Variants in LRRTM3 observed in about 807,000 individuals in gnomAD.
LRRTM3 encodes the protein leucine-rich repeat transmembrane neuronal protein 3.
In LRRTM3, 24 loss-of-function variants were observed where a neutral mutation model predicts 44.7. The observed-to-expected ratio is 0.54, with a 90% CI of 0.39 to 0.76. The LOEUF is 0.76. Among genes scored for constraint, LRRTM3 ranks in the 30% least tolerant of loss-of-function variants. The pLI is 0.00. For missense variants in LRRTM3, 587 were observed against 702.2 expected (o/e 0.84, Z 1.85); for synonymous variants, 277 against 278.7 (o/e 0.99, Z 0.06).
intron 2 of LRRTM3, among the ~76,000 whole-genome samples, chr10:66,929,725 G>A (rs1176966298): frequency 1.3e-5 from 2 of 152,188 alleles, no homozygotes; most frequent in Non-Finnish European, 2.9e-5. Flanking sequence ...GTACAGTTCT[G>A]TACAGACCCT....
chr10:66,928,539 G>A (rs916945376), intron 2 of LRRTM3, 87 bp downstream of exon 2: 8 of 1,256,692 alleles, frequency 6.4e-6, no homozygotes, highest in African/African-American at 4.5e-5. Context: ...AAGGGAACGC[G>A]ATGCCCCCCC....
chr10:66,983,764 G>A (rs960980529), intron 2 of LRRTM3, among the ~76,000 whole-genome samples: 3 of 152,130 alleles, frequency 2.0e-5, no homozygotes, highest in Non-Finnish European at 4.4e-5. Flanking sequence ...AATGCAAAGT[G>A]GGGGATAAAT....
chr10:67,095,018 T>C lies in LRRTM3; in HGVS notation c.1537-2569T>C, dbSNP rs367780818. On this transcript the variant is annotated intron_variant, in intron 2 of 2. Transcript: ENST00000361320. ...GTAATTGGCTTTAAGTTTATACATA[T>C]ATGTGTATATACATATATGTTTATA... Among the ~76,000 whole-genome samples the C allele has an allele frequency of 2.0e-5, 3 of 149,484 alleles. No individual in the cohort carries two copies. The East Asian group carries it at 5.9e-4, about 29-fold the overall frequency.
In LRRTM3 at chr10:67,101,100, CAAGTCACATATTTCTT is replaced by C. The variant is rs1162264586; in HGVS notation, c.*3307_*3322del. ...TTAAAACTCTGTTCAAAAAGTTTAACAAGTCACATATTTCTTAACATACAAGTTCGTTTGTGAATGT... is the reference window on the plus strand; with the variant it reads ...TTAAAACTCTGTTCAAAAAGTTTAACAACATACAAGTTCGTTTGTGAATGT... On this transcript the variant is annotated 3_prime_UTR_variant, in exon 3 of 3. Coordinates refer to ENST00000361320, the MANE Select transcript of LRRTM3 (RefSeq NM_178011.5). Among the ~76,000 whole-genome samples the C allele has an allele frequency of 1.3e-5, 2 of 151,714 alleles. No individual in the cohort carries two copies. The highest frequency in any genetic ancestry group is 2.1e-4 in the South Asian group (1 of 4,830).
intron 2 of LRRTM3, among the ~76,000 whole-genome samples, chr10:66,956,014 G>C (rs184409969): frequency 6.6e-6 from 1 of 152,090 alleles, no homozygotes; most frequent in East Asian, 1.9e-4. Flanking sequence ...GAGCCTTTAA[G>C]GGAATTCTGC....
chr10:67,022,103 G>C (rs1853056659), intron 2 of LRRTM3, among the ~76,000 whole-genome samples: 1 of 152,168 alleles, frequency 6.6e-6, no homozygotes, highest in African/African-American at 2.4e-5. Context: ...CCCTGAAGTA[G>C]CTTGTATTTG....
chr10:66,975,663 T>G (rs914004637), intron 2 of LRRTM3, among the ~76,000 whole-genome samples: 1 of 152,164 alleles, frequency 6.6e-6, no homozygotes, highest in Non-Finnish European at 1.5e-5. Flanking sequence ...GTGGTGGCAT[T>G]GAGCTGGTTC....
At chr10:66,973,027 G>A (rs1386910696) in intron 2 of LRRTM3, among the ~76,000 whole-genome samples, 2 of 152,100 alleles carry the variant, frequency 1.3e-5, no homozygotes, top group East Asian at 3.9e-4. Flanking sequence ...TTTACATCAT[G>A]TTTACAAAAT....
chr10:66,940,916 C>A (rs1006709432), intron 2 of LRRTM3, among the ~76,000 whole-genome samples: 4 of 152,118 alleles, frequency 2.6e-5, no homozygotes, highest in Non-Finnish European at 5.9e-5. Flanking sequence ...CAGTATGCAG[C>A]CTGCAGTAAC....
intron 2 of LRRTM3, among the ~76,000 whole-genome samples, chr10:67,063,374 A>T (rs1855876414): frequency 6.6e-6 from 1 of 152,228 alleles, no homozygotes; most frequent in African/African-American, 2.4e-5. Flanking sequence ...GCTGAATGTG[A>T]TAAAAATATA....
chr10:66,944,871 G>T (rs1418736109), intron 2 of LRRTM3, among the ~76,000 whole-genome samples: 1 of 152,170 alleles, frequency 6.6e-6, no homozygotes, highest in African/African-American at 2.4e-5. Context: ...TCAGTGAGCA[G>T]TAATACTTTG....
At chr10:67,051,183 G>T (rs1273043085) in intron 2 of LRRTM3, among the ~76,000 whole-genome samples, 1 of 152,196 alleles carries the variant, frequency 6.6e-6, no homozygotes, top group East Asian at 1.9e-4. Flanking sequence ...CATTACCTGG[G>T]TGAATTATTA....
At chr10:67,013,474 A>G (rs1478744919) in intron 2 of LRRTM3, among the ~76,000 whole-genome samples, 3 of 152,204 alleles carry the variant, frequency 2.0e-5, no homozygotes, top group African/African-American at 7.2e-5. Context: ...TCAGACATGC[A>G]ATGCTATTTC....
intron 2 of LRRTM3, among the ~76,000 whole-genome samples, chr10:67,038,198 A>T (rs1925631): frequency 0.85 from 128,798 of 151,988 alleles, 55,125 homozygotes; most frequent in Middle Eastern, 0.93. Flanking sequence ...CCTCCTGAAT[A>T]TAAAATATAT....
chr10:66,930,359 C>T (rs1038594905), intron 2 of LRRTM3, among the ~76,000 whole-genome samples: 7 of 152,172 alleles, frequency 4.6e-5, no homozygotes, highest in South Asian at 2.1e-4. Context: ...TACTTCCTCA[C>T]AGCTTACTGG....
At chr10:66,982,078 G>A (rs1222988800) in intron 2 of LRRTM3, among the ~76,000 whole-genome samples, 1 of 152,122 alleles carries the variant, frequency 6.6e-6, no homozygotes, top group East Asian at 1.9e-4. Flanking sequence ...TTAGATAGAT[G>A]AGAATTCCAC....
At chr10:67,041,886 T>G (rs1854414238) in intron 2 of LRRTM3, among the ~76,000 whole-genome samples, 1 of 152,164 alleles carries the variant, frequency 6.6e-6, no homozygotes, top group Admixed American at 6.5e-5. Context: ...ATTCTCCCCC[T>G]GTGGGATTGG....
intron 2 of LRRTM3, among the ~76,000 whole-genome samples, chr10:66,962,501 C>G (rs1231921852): frequency 2.0e-5 from 3 of 151,936 alleles, no homozygotes; most frequent in Non-Finnish European, 4.4e-5. Flanking sequence ...TCTCCATCTC[C>G]CGGGTTCAAG....
chr10:67,008,318 C>G (rs1852125061), intron 2 of LRRTM3, among the ~76,000 whole-genome samples: 1 of 151,880 alleles, frequency 6.6e-6, no homozygotes, highest in East Asian at 1.9e-4. Context: ...ATTCAATAAC[C>G]ATAGTGCTCA....
Sources: allele counts gnomAD v4.1 joint callset (sites outside exome capture counted in the v4.1 genomes callset), GRCh38; gene constraint gnomAD v4.1.1; transcripts MANE v1.5; gene names NCBI Gene and HGNC (gene_info 2026-07-23, HGNC 2026-07-21).